The following LPP variants were observed in gnomAD, a reference collection of about 807,000 sequenced individuals.
LPP encodes the protein lipoma-preferred partner.
LPP carries 38 observed loss-of-function variants against 60.4 expected under a neutral mutation model. The observed-to-expected ratio is 0.63, with a 90% CI of 0.49 to 0.83. The LOEUF (loss-of-function observed/expected upper bound fraction) is 0.83. LPP is among the 40% of genes least tolerant of loss of function. The probability of loss-of-function intolerance (pLI) is 0.00; values close to 1 mark genes in which losing one functional copy is unlikely to be tolerated. For synonymous variants in LPP, 328 were observed against 290.8 expected (o/e 1.13, Z -1.30); for missense variants, 902 against 783.6 (o/e 1.15, Z -1.80).
At position 188,484,686 on chromosome 3, in the gene LPP, A is replaced by C; in HGVS notation, c.288A>C (p.Glu96Asp). 12 of 1,611,642 alleles carry C rather than the reference A, an allele frequency of 7.4e-6. No individual in the cohort carries two copies. Among genetic ancestry groups the C allele is most frequent in the Non-Finnish European group, 1.0e-5 (12 of 1,177,868 alleles). ...GNFPPPPPLD[E>D]EAFKVQGNPG... Reference sequence around the variant, plus strand: ...TTCCTCCTCCACCACCTCTTGATGAAGAGGCTTTCAAAGTACAGGTAAGAG... The same window carrying C: ...TTCCTCCTCCACCACCTCTTGATGACGAGGCTTTCAAAGTACAGGTAAGAG... Residue 96 changes from glutamate (E) to aspartate (D), a missense_variant, in exon 5 of 12, where the codon GAA becomes GAC. Coordinates refer to ENST00000617246, the MANE Select transcript of LPP (RefSeq NM_001375462.1).
At chr3:188,478,127 C>G (rs1199462315) in intron 4 of LPP, among the ~76,000 whole-genome samples, 2 of 152,088 alleles carry the variant, frequency 1.3e-5, no homozygotes, top group Non-Finnish European at 2.9e-5. Flanking sequence ...TTGTTTTATC[C>G]TCTCACTTTT....
intron 9 of LPP, among the ~76,000 whole-genome samples, chr3:188,848,797 C>T (rs992329501): frequency 6.6e-6 from 1 of 152,100 alleles, no homozygotes; most frequent in African/African-American, 2.4e-5. Context: ...GAAACCCCAT[C>T]TCTACTAAAA....
intron 7 of LPP, among the ~76,000 whole-genome samples, chr3:188,692,243 A>G (rs1460934861): frequency 6.6e-6 from 1 of 152,208 alleles, no homozygotes; most frequent in Non-Finnish European, 1.5e-5. Context: ...ATGCAGCCTC[A>G]TATATGGGTT....
intron 6 of LPP, among the ~76,000 whole-genome samples, chr3:188,548,090 C>T (rs1827143161): frequency 6.6e-6 from 1 of 152,104 alleles, no homozygotes; most frequent in Admixed American, 6.5e-5. Context: ...CTGATCCTAG[C>T]GTAAATTCCT....
In LPP at chr3:188,737,588, G is replaced by T. The variant is rs191482706; in HGVS notation, c.1241-22525G>T. ...CTTTCCCACTCGCCCTCAGTTGTGA[G>T]ATGGAGGCAGCAAATATTCAGTGTG... On this transcript the variant is annotated intron_variant, in intron 8 of 11. Coordinates refer to ENST00000617246, the MANE Select transcript of LPP (RefSeq NM_001375462.1). 8.5e-5 allele frequency among the ~76,000 whole-genome samples: 13 copies of T among 152,270 alleles called. 1 individual carries two copies. Among genetic ancestry groups the T allele is most frequent in the African/African-American group, 3.1e-4 (13 of 41,552 alleles).
At chr3:188,815,361 G>A (rs906596031) in intron 9 of LPP, among the ~76,000 whole-genome samples, 2 of 152,124 alleles carry the variant, frequency 1.3e-5, no homozygotes, top group African/African-American at 4.8e-5. Flanking sequence ...AGTATATATT[G>A]TATAGAGAAC....
At chr3:188,859,071 AGAGT>A (rs1015503667) in intron 9 of LPP, among the ~76,000 whole-genome samples, 56 of 142,910 alleles carry the variant, frequency 3.9e-4, no homozygotes, top group African/African-American at 1.5e-3. Context: ...CCTAGGTGAC[AGAGT>A]GAGACTCTGT....
At chr3:188,525,354 T>G (rs762357536) in intron 6 of LPP, among the ~76,000 whole-genome samples, 4 of 152,236 alleles carry the variant, frequency 2.6e-5, no homozygotes, top group Non-Finnish European at 5.9e-5. Flanking sequence ...GGCAGAAATT[T>G]CTTAAATTGA....
At position 188,406,043 on chromosome 3, in the gene LPP, G is replaced by A. The variant is rs576946205; in HGVS notation, c.-9-69G>A. 3.0e-6 allele frequency: 4 copies of A among 1,329,022 alleles called. No homozygotes were observed. The Admixed American group carries it at 8.0e-5, about 27-fold the overall frequency. 82.3% of individuals were successfully genotyped at this position (1,329,022 alleles called of 1,614,324 possible). A position where few individuals can be genotyped will look rare whatever the true frequency, so the allele number is the denominator to read the frequency against. ...ATTTAGTATGGATTAAGGTGAAATA[G>A]CAATGAAATGAGGAGTATTGTCTTC... On this transcript the variant is annotated intron_variant, in intron 3 of 11. Transcript: ENST00000617246.
intron 7 of LPP, among the ~76,000 whole-genome samples, chr3:188,629,775 A>G (rs1847524846): frequency 6.6e-6 from 1 of 152,162 alleles, no homozygotes; most frequent in South Asian, 2.1e-4. Flanking sequence ...AATAGGCAAA[A>G]CAATGCTAAG....
chr3:188,855,563 A>G (rs1763644583), intron 9 of LPP, among the ~76,000 whole-genome samples: 1 of 152,180 alleles, frequency 6.6e-6, no homozygotes. Context: ...ATGGGAGTAG[A>G]TGCTGTTGGA....
At chr3:188,313,652 T>G (rs56171247) in intron 2 of LPP, among the ~76,000 whole-genome samples, 51,205 of 148,984 alleles carry the variant, frequency 0.34, 9,437 homozygotes, top group East Asian at 0.67. Flanking sequence ...AAAAAAAAAA[T>G]AAAATAAAAT....
intron 6 of LPP, chr3:188,553,634 A>G (rs970254192): frequency 6.6e-6 from 1 of 152,356 alleles, no homozygotes; most frequent in South Asian, 2.1e-4. Flanking sequence ...TTTGTTCAAG[A>G]ATGATTCATA....
At chr3:188,259,690 C>T (rs1732904150) in intron 2 of LPP, among the ~76,000 whole-genome samples, 2 of 152,134 alleles carry the variant, frequency 1.3e-5, no homozygotes, top group South Asian at 4.1e-4. Flanking sequence ...TATTTTTCCC[C>T]CAGTGTATGT....
At chr3:188,322,078 T>A (rs917971408) in intron 2 of LPP, among the ~76,000 whole-genome samples, 1 of 152,226 alleles carries the variant, frequency 6.6e-6, no homozygotes, top group Non-Finnish European at 1.5e-5. Context: ...TGCTTACATA[T>A]ACGAATCCCC....
At chr3:188,498,951 C>T (rs1256163915) in intron 5 of LPP, among the ~76,000 whole-genome samples, 1 of 152,066 alleles carries the variant, frequency 6.6e-6, no homozygotes, top group Non-Finnish European at 1.5e-5. Context: ...ATATATATAT[C>T]TTCTTTGGAG....
chr3:188,749,797 T>C (rs1727491248), intron 8 of LPP, among the ~76,000 whole-genome samples: 1 of 152,230 alleles, frequency 6.6e-6, no homozygotes, highest in South Asian at 2.1e-4. Flanking sequence ...AGTCTTTATA[T>C]ATCACAATTT....
intron 8 of LPP, among the ~76,000 whole-genome samples, chr3:188,715,281 G>C (rs1258458826): frequency 1.3e-5 from 2 of 149,686 alleles, no homozygotes; most frequent in African/African-American, 4.9e-5. Flanking sequence ...AGGAGGCTGA[G>C]GCAGGAGAAT....
intron 1 of LPP, among the ~76,000 whole-genome samples, chr3:188,163,431 C>T (rs748005218): frequency 6.6e-6 from 1 of 152,110 alleles, no homozygotes; most frequent in African/African-American, 2.4e-5. Flanking sequence ...CACCCAGCAG[C>T]GCAACTGTCA....
Sources: gnomAD v4.1 joint callset for allele counts (sites outside exome capture counted in the v4.1 genomes callset) on GRCh38, gnomAD v4.1.1 for gene constraint, MANE v1.5 for transcripts, NCBI Gene and HGNC (gene_info 2026-07-23, HGNC 2026-07-21) for gene names.